The following RBFOX1 variants were observed in gnomAD, a reference collection of about 807,000 sequenced individuals.
RBFOX1 encodes the protein RNA binding protein fox-1 homolog 1.
RBFOX1 carries 8 observed loss-of-function variants against 57.7 expected under a neutral mutation model. The observed-to-expected ratio is 0.14, with a 90% CI of 0.08 to 0.25. The LOEUF is 0.25. RBFOX1 is among the 10% of genes least tolerant of loss of function. The pLI is 1.00. For synonymous variants in RBFOX1, 326 were observed against 222.4 expected, an observed-to-expected ratio of 1.47 and a Z score of -4.15; for missense variants, 611 against 548.5, an observed-to-expected ratio of 1.11 and a Z score of -1.14.
intron 1 of RBFOX1, among the ~76,000 whole-genome samples, chr16:5,404,697 C>T (rs565545872): frequency 6.6e-6 from 1 of 152,284 alleles, no homozygotes; most frequent in East Asian, 1.9e-4. Context: ...GATAGGGAAA[C>T]CCATGCATGG....
chr16:6,256,534 C>A (rs1480518290), intron 1 of RBFOX1, among the ~76,000 whole-genome samples: 1 of 151,652 alleles, frequency 6.6e-6, no homozygotes, highest in Non-Finnish European at 1.5e-5. Flanking sequence ...AGTCTTTGAA[C>A]TTGACATTGG....
intron 4 of RBFOX1, chr16:7,510,243 T>A: frequency 5.1e-6 from 5 of 985,912 alleles, no homozygotes; most frequent in Non-Finnish European, 6.0e-6. Flanking sequence ...TTGGGGCAGA[T>A]GCTTTGTGGT....
At chr16:6,317,195 C>G in intron 2 of RBFOX1, 138 bp downstream of exon 2, 1 of 776,868 alleles carries the variant, frequency 1.3e-6, no homozygotes, top group Non-Finnish European at 2.0e-6. Flanking sequence ...TCTCTTCTGC[C>G]CTATTGTATC....
chr16:6,914,975 T>C (rs1597096801), intron 3 of RBFOX1, among the ~76,000 whole-genome samples: 1 of 152,206 alleles, frequency 6.6e-6, no homozygotes, highest in African/African-American at 2.4e-5. Flanking sequence ...CGTACTATTA[T>C]TATTACAGCA....
chr16:5,857,483 C>T (rs1288853445), intron 3 of RBFOX1, among the ~76,000 whole-genome samples: 2 of 152,068 alleles, frequency 1.3e-5, no homozygotes, highest in Non-Finnish European at 2.9e-5. Flanking sequence ...AAAGAGCAAG[C>T]AGTGTCTGTG....
intron 4 of RBFOX1, among the ~76,000 whole-genome samples, chr16:7,407,801 T>C (rs1411249728): frequency 6.6e-6 from 1 of 152,180 alleles, no homozygotes; most frequent in Non-Finnish European, 1.5e-5. Context: ...TCTGGTGTTG[T>C]ACAGGTTTTC....
chr16:7,359,935 G>T (rs1024946986), intron 4 of RBFOX1, among the ~76,000 whole-genome samples: 1 of 150,178 alleles, frequency 6.7e-6, no homozygotes, highest in African/African-American at 2.4e-5. Context: ...AGTGAGCCGA[G>T]ATCGCGCCAC....
intron 2 of RBFOX1, among the ~76,000 whole-genome samples, chr16:6,613,878 C>T (rs1394441815): frequency 6.6e-6 from 1 of 152,104 alleles, no homozygotes; most frequent in Non-Finnish European, 1.5e-5. Context: ...GCAGAGGTTG[C>T]AGTGAGCTGA....
intron 1 of RBFOX1, among the ~76,000 whole-genome samples, chr16:6,078,101 T>C (rs1474770231): frequency 1.3e-5 from 2 of 152,232 alleles, no homozygotes. Flanking sequence ...ATTTCTCATC[T>C]TTCCGGGGAG....
chr16:7,211,103 G>A (rs12709188), intron 4 of RBFOX1, among the ~76,000 whole-genome samples: 1 of 143,588 alleles, frequency 7.0e-6, no homozygotes. Context: ...AAAAAAAAAG[G>A]ACTCTGGGCC....
At chr16:7,619,463 C>T (rs1210520013) in intron 10 of RBFOX1, among the ~76,000 whole-genome samples, 1 of 151,694 alleles carries the variant, frequency 6.6e-6, no homozygotes, top group African/African-American at 2.4e-5. Context: ...CGTGTATTTT[C>T]TACTCTCACC....
Position 6,415,474 on chromosome 16 carries a change from G to C in RBFOX1, c.-64+98417G>C, listed in dbSNP as rs182776344. 7.8e-3 allele frequency among the ~76,000 whole-genome samples: 1,190 copies of C among 151,646 alleles called. 16 individuals carry two copies. The highest frequency in any genetic ancestry group is 0.028 in the African/African-American group (1,139 of 41,342). On this transcript the variant is annotated intron_variant, in intron 2 of 15. Transcript: ENST00000550418. ...AGGGAGAGATTTGGGAGGTCGAGGA[G>C]GGCGGATCACGAGGTTAGGAGTATG...
At chr16:6,057,789 CT>C (rs779921546) in intron 1 of RBFOX1, among the ~76,000 whole-genome samples, 1 of 148,520 alleles carries the variant, frequency 6.7e-6, no homozygotes, top group Non-Finnish European at 1.5e-5. Flanking sequence ...GCCCCCACCC[CT>C]GGCACTGTTG....
chr16:7,409,860 G>A (rs978976752), intron 4 of RBFOX1, among the ~76,000 whole-genome samples: 3 of 152,172 alleles, frequency 2.0e-5, no homozygotes. Flanking sequence ...GCTGGGCAAT[G>A]AAGAAATTGA....
At chr16:7,215,636 C>T (rs553327276) in intron 4 of RBFOX1, among the ~76,000 whole-genome samples, 1 of 152,076 alleles carries the variant, frequency 6.6e-6, no homozygotes, top group Non-Finnish European at 1.5e-5. Flanking sequence ...TCAAAAGATC[C>T]TCGGGCAGAT....
intron 1 of RBFOX1, among the ~76,000 whole-genome samples, chr16:6,149,186 T>C (rs2096780226): frequency 6.6e-6 from 1 of 152,212 alleles, no homozygotes; most frequent in African/African-American, 2.4e-5. Context: ...TGGAGTAAAA[T>C]CAATTAAGTT....
chr16:5,391,560 G>T (rs997623685), intron 1 of RBFOX1, among the ~76,000 whole-genome samples: 2 of 151,980 alleles, frequency 1.3e-5, no homozygotes, highest in Non-Finnish European at 2.9e-5. Flanking sequence ...TAATTCTTCT[G>T]TGTGCCAGTT....
exon 3 of RBFOX1, chr16:5,598,957 A>T (rs1274403603): frequency 7.8e-6 from 12 of 1,531,624 alleles, no homozygotes; most frequent in East Asian, 4.9e-5. Flanking sequence ...AGCCTGCAAG[A>T]CTCCGTAAGT....
chr16:6,616,060 G>A (rs556208607), intron 2 of RBFOX1, among the ~76,000 whole-genome samples: 3 of 152,118 alleles, frequency 2.0e-5, no homozygotes, highest in East Asian at 1.9e-4. Context: ...GACTGTCATC[G>A]GTGTGGAGGG....
Sources: gnomAD v4.1 joint callset for allele counts (sites outside exome capture counted in the v4.1 genomes callset) on GRCh38, gnomAD v4.1.1 for gene constraint, MANE v1.5 for transcripts, NCBI Gene and HGNC (gene_info 2026-07-23, HGNC 2026-07-21) for gene names.